OPCML: variants seen among roughly 807,000 people sequenced by gnomAD.
OPCML encodes the protein opioid binding protein/cell adhesion molecule like, also known as opioid-binding protein/cell adhesion molecule.
OPCML carries 13 observed loss-of-function variants against 37.8 expected under a neutral mutation model. The observed-to-expected ratio is 0.34, with a 90% CI of 0.22 to 0.55. The LOEUF (loss-of-function observed/expected upper bound fraction) is 0.55, where lower values mean the gene tolerates loss of function less well. OPCML is among the 20% of genes least tolerant of loss of function. OPCML has a pLI of 0.91. For synonymous variants in OPCML, 176 were observed against 168.8 expected, an observed-to-expected ratio of 1.04 and a Z score of -0.33; for missense variants, 341 against 435.6, an observed-to-expected ratio of 0.78 and a Z score of 1.93.
intron 1 of OPCML, chr11:133,006,272 G>T (rs1947110405): frequency 2.0e-6 from 1 of 504,332 alleles, no homozygotes; most frequent in Non-Finnish European, 2.6e-6. Flanking sequence ...TTCTAGCAGG[G>T]ACTCTGGCCT....
chr11:133,057,596 A>G (rs1264676216), intron 1 of OPCML, among the ~76,000 whole-genome samples: 1 of 152,162 alleles, frequency 6.6e-6, no homozygotes, highest in African/African-American at 2.4e-5. Context: ...AGGCAGCTCC[A>G]CTTGCAAAGC....
At chr11:133,452,938 TA>T (rs1946607605) in intron 1 of OPCML, among the ~76,000 whole-genome samples, 1 of 152,070 alleles carries the variant, frequency 6.6e-6, no homozygotes, top group Admixed American at 6.5e-5. Flanking sequence ...CAGGAAATCT[TA>T]ACCAAATGTA....
chr11:133,388,476 T>G (rs558398979), intron 1 of OPCML, among the ~76,000 whole-genome samples: 4 of 152,110 alleles, frequency 2.6e-5, no homozygotes, highest in Admixed American at 2.0e-4. Flanking sequence ...GTGGGAACAG[T>G]ATGGGGACAA....
In OPCML at chr11:133,147,482, C is replaced by T. The variant is rs997773232; in HGVS notation, c.62-204472G>A. On this transcript the variant is annotated intron_variant, in intron 1 of 7. Transcript: ENST00000524381. ...AAACAGGAAGACTCTACCCTCTGAG[C>T]GAGAAAAAGGCCAATTTCGATGGTA... 7.2e-5 allele frequency among the ~76,000 whole-genome samples: 11 copies of T among 152,006 alleles called. No individual in the cohort carries two copies. The South Asian group carries it at 8.3e-4, about 11-fold the overall frequency.
intron 1 of OPCML, among the ~76,000 whole-genome samples, chr11:133,436,501 T>G (rs1435189525): frequency 1.3e-5 from 2 of 152,204 alleles, no homozygotes; most frequent in African/African-American, 4.8e-5. Flanking sequence ...ACTTAAAATT[T>G]TCTCAGGATC....
At chr11:133,168,455 G>A (rs1436426406) in intron 1 of OPCML, among the ~76,000 whole-genome samples, 1 of 152,158 alleles carries the variant, frequency 6.6e-6, no homozygotes, top group Non-Finnish European at 1.5e-5. Flanking sequence ...GTGGCCCAAT[G>A]TTCAATGGTG....
chr11:133,448,532 A>G (rs554676230), intron 1 of OPCML, among the ~76,000 whole-genome samples: 1 of 152,198 alleles, frequency 6.6e-6, no homozygotes, highest in Non-Finnish European at 1.5e-5. Context: ...ATCTCGACTC[A>G]CCGCAACCTC....
chr11:132,449,107 G>T (rs1210832053), intron 4 of OPCML, among the ~76,000 whole-genome samples: 1 of 152,180 alleles, frequency 6.6e-6, no homozygotes, highest in Non-Finnish European at 1.5e-5. Flanking sequence ...GGCCACACTG[G>T]CTTTATTTGA....
At chr11:133,347,627 G>T (rs1201879825) in intron 1 of OPCML, among the ~76,000 whole-genome samples, 2 of 152,084 alleles carry the variant, frequency 1.3e-5, no homozygotes, top group Admixed American at 6.5e-5. Context: ...AAAACCAGGT[G>T]CTTCAAGAAG....
intron 3 of OPCML, among the ~76,000 whole-genome samples, chr11:132,539,705 A>C (rs2096351017): frequency 6.6e-6 from 1 of 151,766 alleles, no homozygotes; most frequent in Admixed American, 6.6e-5. Flanking sequence ...TGTTGATGAT[A>C]ATGGTTATGG....
chr11:133,226,422 G>A (rs1940042152), intron 1 of OPCML, among the ~76,000 whole-genome samples: 1 of 152,182 alleles, frequency 6.6e-6, no homozygotes, highest in African/African-American at 2.4e-5. Context: ...TGATGGTTGT[G>A]ATCCAAAGAG....
intron 1 of OPCML, among the ~76,000 whole-genome samples, chr11:132,969,352 A>G (rs1014154353): frequency 1.3e-5 from 2 of 151,762 alleles, no homozygotes; most frequent in Non-Finnish European, 2.9e-5. Context: ...TGCTTCCAAC[A>G]TTTTCTTTGT....
intron 1 of OPCML, among the ~76,000 whole-genome samples, chr11:133,411,749 G>A (rs74518689): frequency 0.091 from 13,771 of 152,138 alleles, 1,827 homozygotes; most frequent in African/African-American, 0.29. Context: ...GGTGTAGCTC[G>A]AAACCTCCGA....
intron 3 of OPCML, among the ~76,000 whole-genome samples, chr11:132,576,806 T>C (rs2096452042): frequency 6.6e-6 from 1 of 152,100 alleles, no homozygotes; most frequent in Admixed American, 6.6e-5. Flanking sequence ...ACTCTTTCCC[T>C]CCCTAGGGAA....
At chr11:132,938,535 C>T (rs1002921412) in intron 2 of OPCML, among the ~76,000 whole-genome samples, 13 of 152,198 alleles carry the variant, frequency 8.5e-5, no homozygotes, top group Non-Finnish European at 1.6e-4. Flanking sequence ...TAATAACTTG[C>T]ACACATATGT....
chr11:133,525,888 T>C (rs142711817), intron 1 of OPCML, among the ~76,000 whole-genome samples: 32 of 152,318 alleles, frequency 2.1e-4, no homozygotes, highest in Non-Finnish European at 3.8e-4. Flanking sequence ...CATCAATTCA[T>C]CTTGGCCTTT....
chr11:132,435,444 C>A (rs2096009790), intron 7 of OPCML, among the ~76,000 whole-genome samples: 1 of 152,180 alleles, frequency 6.6e-6, no homozygotes, highest in Non-Finnish European at 1.5e-5. Flanking sequence ...CTGGCCCTGG[C>A]CCATGGTGTG....
chr11:132,943,283 C>T lies in OPCML; in HGVS notation c.62-273G>A, dbSNP rs1400271787. The T allele has an allele frequency of 2.4e-6, 2 of 819,208 alleles. No homozygotes were observed. Among genetic ancestry groups the T allele is most frequent in the East Asian group, 2.7e-5 (1 of 36,998 alleles). The allele number at this position is 819,208 out of a possible 1,614,324, so 50.7% of individuals were successfully genotyped here. On this transcript the variant is annotated intron_variant, in intron 1 of 7. Coordinates refer to ENST00000524381, the MANE Select transcript of OPCML (RefSeq NM_001012393.5). The surrounding 1 kb of genome is among the most constrained non-coding windows in gnomAD (Gnocchi z 4.3). Reference sequence around the variant, plus strand: ...AATTCTTCCTCAGATCCTGCCTCAGCTTTCCAGCCTAGCAGAACCAGATGC... The same window carrying T: ...AATTCTTCCTCAGATCCTGCCTCAGTTTTCCAGCCTAGCAGAACCAGATGC...
intron 1 of OPCML, among the ~76,000 whole-genome samples, chr11:133,383,931 C>T (rs1407485646): frequency 6.6e-6 from 1 of 152,056 alleles, no homozygotes; most frequent in Non-Finnish European, 1.5e-5. Context: ...GAGAAGGGTG[C>T]AGGCTTGTCA....
Sources: allele counts gnomAD v4.1 joint callset (sites outside exome capture counted in the v4.1 genomes callset), GRCh38; gene constraint gnomAD v4.1.1; non-coding constraint Gnocchi (gnomAD v3.1); transcripts MANE v1.5; gene names NCBI Gene and HGNC (gene_info 2026-07-23, HGNC 2026-07-21).